The following AIFM2 variants were observed in gnomAD, a reference collection of about 807,000 sequenced individuals.
The protein encoded by AIFM2 is AIF family member 2, ferroptosis suppressor.
A neutral mutation model predicts 35.7 loss-of-function variants in AIFM2; 38 were observed. That is an observed-to-expected ratio of 1.06 (90% CI 0.82 to 1.39). AIFM2 has a LOEUF of 1.39. Ranked by LOEUF, AIFM2 falls within the 40% of genes most tolerant of loss-of-function variation. The pLI is 0.00. For synonymous variants in AIFM2, 185 were observed against 203.5 expected, an observed-to-expected ratio of 0.91 and a Z score of 0.77; for missense variants, 476 against 491.2, an observed-to-expected ratio of 0.97 and a Z score of 0.29.
chr10:70,115,553 G>C (rs958643515), intron 7 of AIFM2, among the ~76,000 whole-genome samples: 2 of 152,234 alleles, frequency 1.3e-5, no homozygotes, highest in Non-Finnish European at 2.9e-5. Context: ...GATCACTTGA[G>C]GCCAGGAGCT....
intron 5 of AIFM2, 117 bp from the exon 6 acceptor site, chr10:70,118,037 TC>T: frequency 1.4e-6 from 1 of 727,344 alleles, no homozygotes. Flanking sequence ...AAACTGAAGC[TC>T]CAGAGAAGTA....
chr10:70,128,451 T>C (rs2072592421), intron 1 of AIFM2, among the ~76,000 whole-genome samples: 1 of 152,226 alleles, frequency 6.6e-6, no homozygotes, highest in Admixed American at 6.5e-5. Context: ...ATCTGCCTCC[T>C]GAGTTCAAGC....
rs150720616 is a variant in AIFM2, at chr10:70,124,035, A to G, written c.50T>C (p.Val17Ala). 6.2e-7 allele frequency: 1 copy of G among 1,610,528 alleles called. No individual in the cohort carries two copies. Among genetic ancestry groups the G allele is most frequent in the Non-Finnish European group, 8.5e-7 (1 of 1,178,358 alleles). The part of the protein sequence containing the change: ...VESGALHVVI[V>A]GGGFGGIAAA... Reference sequence around the variant, plus strand: ...TGCGATCCCGCCAAAGCCCCCACCCACAATCACCACGTGCAGAGCTCCCGA... The same window carrying G: ...TGCGATCCCGCCAAAGCCCCCACCCGCAATCACCACGTGCAGAGCTCCCGA... Residue 17 changes from valine (V) to alanine (A), a missense_variant, in exon 2 of 9, where the codon GTG becomes GCG. Physicochemically the swap from Val to Ala is moderately conservative, Grantham distance 64. Coordinates refer to ENST00000307864, the MANE Select transcript of AIFM2 (RefSeq NM_032797.6).
At chr10:70,126,583 A>G (rs1442654142) in intron 1 of AIFM2, among the ~76,000 whole-genome samples, 1 of 152,150 alleles carries the variant, frequency 6.6e-6, no homozygotes, top group East Asian at 1.9e-4. Context: ...AGGGGACTAT[A>G]AGGCCCAACC....
At position 70,117,933 on chromosome 10, in the gene AIFM2, C is replaced by G; in HGVS notation, c.508-13G>C. 1 of 1,592,038 alleles carries G rather than the reference C, an allele frequency of 6.3e-7. No homozygotes were observed. The highest frequency in any genetic ancestry group is 1.1e-5 in the South Asian group (1 of 89,564). Reference sequence around the variant, plus strand: ...GAATGAGAGTGACCTGAGGACAAAACGACCACAGGGCCTGAGAAGGAGCCC... The same window carrying G: ...GAATGAGAGTGACCTGAGGACAAAAGGACCACAGGGCCTGAGAAGGAGCCC... On this transcript the variant is annotated splice_polypyrimidine_tract_variant and intron_variant, in intron 5 of 8. Coordinates refer to ENST00000307864, the MANE Select transcript of AIFM2 (RefSeq NM_032797.6). The surrounding 1 kb of genome is among the most constrained non-coding windows in gnomAD (Gnocchi z 4.7).
chr10:70,126,842 T>A (rs576340450), intron 1 of AIFM2, among the ~76,000 whole-genome samples: 14 of 152,148 alleles, frequency 9.2e-5, no homozygotes, highest in Non-Finnish European at 1.5e-4. Flanking sequence ...GGTCAAATGG[T>A]CCCCAAAGCA....
chr10:70,115,130 G>A lies in AIFM2; in HGVS notation c.770-10C>T. On this transcript the variant is annotated splice_polypyrimidine_tract_variant and intron_variant, in intron 7 of 8. Coordinates refer to ENST00000307864, the MANE Select transcript of AIFM2 (RefSeq NM_032797.6). ...CTGGCTAGTCTGCTCTCTGCCAGAAGAAATGACACCGAAACCAAGACACTG... is the reference window on the plus strand; with the variant it reads ...CTGGCTAGTCTGCTCTCTGCCAGAAAAAATGACACCGAAACCAAGACACTG... 1 of 1,613,082 alleles carries A rather than the reference G, an allele frequency of 6.2e-7. No homozygotes were observed. The highest frequency in any genetic ancestry group is 8.5e-7 in the Non-Finnish European group (1 of 1,179,658).
At chr10:70,116,922 C>T in intron 6 of AIFM2, 148 bp from the exon 7 acceptor site, 1 of 907,490 alleles carries the variant, frequency 1.1e-6, no homozygotes, top group Non-Finnish European at 1.7e-6. Context: ...CATGCCCCTC[C>T]CTCAGTCCAC....
In AIFM2 at chr10:70,124,068, G is replaced by C. The variant is rs775593494; in HGVS notation, c.17C>G (p.Ser6Trp). The C allele has an allele frequency of 5.1e-6, 8 of 1,559,712 alleles. No individual in the cohort carries two copies. The African/African-American group carries it at 9.6e-5, about 19-fold the overall frequency. MGSQVSVESGALHVVI... is the reference protein window; with the variant it reads MGSQVWVESGALHVVI... ...CACGTGCAGAGCTCCCGATTCCACC[G>C]AGACCTGGGACCCCATCTCAAATCA... is the stretch of plus-strand genomic sequence containing the variant. The change falls in exon 2 of 9, where the codon TCG becomes TGG. Residue 6 changes from serine to tryptophan, a missense_variant. Transcript: ENST00000307864.
chr10:70,120,730 C>A, intron 4 of AIFM2, 131 bp from the exon 5 acceptor site: 1 of 997,612 alleles, frequency 1.0e-6, no homozygotes, highest in Non-Finnish European at 1.5e-6. Flanking sequence ...CATTTTGAGT[C>A]CAAACGTGCT....
intron 3 of AIFM2, 134 bp from the exon 4 acceptor site, chr10:70,121,345 G>A: frequency 2.2e-6 from 3 of 1,350,992 alleles, no homozygotes; most frequent in Non-Finnish European, 1.9e-6. Context: ...GGCCCCTCTA[G>A]GCACCCGAGG....
intron 8 of AIFM2, 53 bp from the exon 9 acceptor site, chr10:70,114,382 G>A (rs2072409909): frequency 6.2e-7 from 1 of 1,607,116 alleles, no homozygotes; most frequent in South Asian, 1.1e-5. Flanking sequence ...GCCTGGGGCT[G>A]CACCTCCCAG....
rs201654162 is a variant in AIFM2 at position 70,117,878 on chromosome 10, G to T, written c.550C>A (p.Leu184Ile). ...ACTTCCTGCCGGACGGAGGGCAGGA[G>T]CTCCTTGTCAGCCAGGGCCACTTGG... ...HSQVALADKE[L>I]LPSVRQEVKE... Residue 184 changes from leucine to isoleucine, a missense_variant, in exon 6 of 9, where the codon CTC becomes ATC. Coordinates refer to ENST00000307864, the MANE Select transcript of AIFM2 (RefSeq NM_032797.6). The surrounding 1 kb of genome is among the most constrained non-coding windows in gnomAD (Gnocchi z 4.7). The T allele has an allele frequency of 1.9e-6, 3 of 1,607,250 alleles. No homozygotes were observed. Among genetic ancestry groups the T allele is most frequent in the South Asian group, 1.1e-5 (1 of 90,142 alleles).
intron 7 of AIFM2, 151 bp downstream of exon 7, chr10:70,116,471 G>A: frequency 1.8e-6 from 2 of 1,081,374 alleles, no homozygotes; most frequent in Non-Finnish European, 2.7e-6. Context: ...CTCAGCAAGG[G>A]TGGACCCTCA....
At chr10:70,130,108 AG>A (rs1021488066) in intron 1 of AIFM2, among the ~76,000 whole-genome samples, 15 of 152,124 alleles carry the variant, frequency 9.9e-5, no homozygotes, top group Non-Finnish European at 2.1e-4. Flanking sequence ...GCTTGAGCCT[AG>A]GAGGTCGAGG....
At position 70,113,123 on chromosome 10, in the gene AIFM2, C is replaced by T. The variant is rs2072396527; in HGVS notation, c.*1055G>A. On this transcript the variant is annotated 3_prime_UTR_variant, in exon 9 of 9. Coordinates refer to ENST00000307864, the MANE Select transcript of AIFM2 (RefSeq NM_032797.6). ...TGGCAGGCCAGGCTGCAGTCTCAAC[C>T]CCTGCTAGCCGTGTAAAAATGCACT... 2 of 152,246 alleles carry T rather than the reference C, an allele frequency of 1.3e-5. No individual in the cohort carries two copies. Among genetic ancestry groups the T allele is most frequent in the African/African-American group, 4.8e-5 (2 of 41,458 alleles). 9.4% of individuals were successfully genotyped at this position (152,246 alleles called of 1,614,324 possible).
rs1466650076 is a variant in AIFM2, at chr10:70,121,175, T to C, written c.331A>G (p.Ser111Gly). The C allele has an allele frequency of 4.7e-6, 7 of 1,486,936 alleles. No individual in the cohort carries two copies. The African/African-American group carries it at 1.1e-4, about 23-fold the overall frequency. 92.1% of individuals were successfully genotyped at this position (1,486,936 alleles called of 1,614,324 possible). Residue 111 changes from serine (S) to glycine (G), a missense_variant, in exon 4 of 9, where the codon AGC (serine) becomes GGC (glycine). Coordinates refer to ENST00000307864, the MANE Select transcript of AIFM2 (RefSeq NM_032797.6). ...AACTTGCCCGGGAAGGGCCCAGTGC[T>C]GCCCGTGGCCAGGATAAGATGAGAG... ...PFSHLILATG[S>G]TGPFPGKFNE...
At position 70,114,987 on chromosome 10, in the gene AIFM2, G is replaced by C; in HGVS notation, c.903C>G (p.His301Gln). Residue 301 changes from histidine (H) to glutamine (Q), a missense_variant, in exon 8 of 9, where the codon CAC becomes CAG. His to Gln is a conservative substitution (Grantham distance 24, BLOSUM62 0). Coordinates refer to ENST00000307864, the MANE Select transcript of AIFM2 (RefSeq NM_032797.6). ...TPKMAYLAGL[H>Q]ANIAVANIVN... ...CGATGTTGGCCACGGCGATGTTGGC[G>C]TGGAGGCCGGCAAGATAGGCCATCT... The C allele has an allele frequency of 2.5e-6, 4 of 1,614,192 alleles. No homozygotes were observed. Among genetic ancestry groups the C allele is most frequent in the Non-Finnish European group, 3.4e-6 (4 of 1,180,022 alleles).
chr10:70,118,935 G>C (rs2072467612), intron 5 of AIFM2, among the ~76,000 whole-genome samples: 1 of 152,140 alleles, frequency 6.6e-6, no homozygotes, highest in Non-Finnish European at 1.5e-5. Flanking sequence ...ATGATCGCTG[G>C]TCACCAGAGA....
Sources: gnomAD v4.1 joint callset for allele counts (sites outside exome capture counted in the v4.1 genomes callset) on GRCh38, gnomAD v4.1.1 for gene constraint, Gnocchi (gnomAD v3.1) non-coding constraint, MANE v1.5 for transcripts, NCBI Gene and HGNC (gene_info 2026-07-23, HGNC 2026-07-21) for gene names.